MMP8: variants seen among roughly 807,000 people sequenced by gnomAD.
MMP8 encodes matrix metallopeptidase 8, also known as neutrophil collagenase.
A neutral mutation model predicts 51.2 loss-of-function variants in MMP8; 67 were observed. The observed-to-expected ratio is 1.31, with a 90% confidence interval of 1.08 to 1.60. The LOEUF (loss-of-function observed/expected upper bound fraction) is 1.60, where lower values mean the gene tolerates loss of function less well. MMP8 is among the 40% of genes most tolerant of loss of function. The pLI is 0.00. For missense variants in MMP8, 654 were observed against 558.1 expected (o/e 1.17, Z -1.73); for synonymous variants, 225 against 191.0 (o/e 1.18, Z -1.47).
intron 5 of MMP8, among the ~76,000 whole-genome samples, chr11:102,717,482 A>G (rs1235806507): frequency 2.0e-5 from 3 of 152,174 alleles, no homozygotes; most frequent in African/African-American, 4.8e-5. Context: ...TAATTAATAC[A>G]TTGTGCAATA....
chr11:102,715,184 A>G (rs1275416384), intron 7 of MMP8, 120 bp downstream of exon 7: 12 of 1,282,332 alleles, frequency 9.4e-6, no homozygotes, highest in Non-Finnish European at 1.3e-5. Context: ...GTCTTCTGGC[A>G]AAAGCCTGGC....
In MMP8 at chr11:102,724,850, G is replaced by C. The variant is rs1248031101; in HGVS notation, c.6C>G (p.Phe2Leu). 2 of 1,608,314 alleles carry C rather than the reference G, an allele frequency of 1.2e-6. No individual in the cohort carries two copies. The highest frequency in any genetic ancestry group is 1.7e-6 in the Non-Finnish European group (2 of 1,176,746). The change falls in exon 1 of 10, where the codon TTC becomes TTG. Residue 2 changes from phenylalanine (F) to leucine (L), a missense_variant. By Grantham distance (22) the Phe-to-Leu change is conservative. Coordinates refer to ENST00000236826, the MANE Select transcript of MMP8 (RefSeq NM_002424.3). ...GCAGAAATGGAAGCGTCTTCAGGGA[G>C]AACATGATCTTCTCTTCAAACTCTA... M[F>L]SLKTLPFLLL... is the part of the protein sequence containing the mutation.
At chr11:102,715,585 C>A in intron 6 of MMP8, 148 bp from the exon 7 acceptor site, 1 of 1,065,518 alleles carries the variant, frequency 9.4e-7, no homozygotes, top group South Asian at 1.7e-5. Context: ...AGCACAGTGA[C>A]CAGCATATGG....
rs1457912556 is a variant in MMP8 at position 102,712,079 on chromosome 11, T to A, written c.*1269A>T. The A allele has an allele frequency of 6.6e-6, 1 of 152,144 alleles. No homozygotes were observed. The highest frequency in any genetic ancestry group is 1.5e-5 in the Non-Finnish European group (1 of 68,014). The allele number at this position is 152,144 out of a possible 1,614,324, so 9.4% of individuals were successfully genotyped here. On this transcript the variant is annotated 3_prime_UTR_variant, in exon 10 of 10. Transcript: ENST00000236826. ...CTATAGTTCTTAACAAAAAAACCCA[T>A]CCGTTAGCAAACTTACACATCTAAG... is the stretch of plus-strand genomic sequence containing the variant.
intron 4 of MMP8, 112 bp from the exon 5 acceptor site, chr11:102,718,687 C>G (rs1475104557): frequency 2.6e-6 from 3 of 1,139,496 alleles, no homozygotes. Context: ...AATAGCCCTT[C>G]CCATGGCTGT....
chr11:102,716,542 C>A (rs1213778858), intron 5 of MMP8, 123 bp from the exon 6 acceptor site: 1 of 509,608 alleles, frequency 2.0e-6, no homozygotes, highest in East Asian at 3.1e-5. Context: ...TAAGTGCTAC[C>A]AGACTATACC....
At chr11:102,723,839 T>G in intron 1 of MMP8, 2 of 247,390 alleles carry the variant, frequency 8.1e-6, no homozygotes, top group South Asian at 8.4e-5. Flanking sequence ...ACTGACCAGA[T>G]CACACGCTTT....
chr11:102,713,676 G>T, intron 9 of MMP8, 78 bp downstream of exon 9: 8 of 1,264,450 alleles, frequency 6.3e-6, no homozygotes, highest in Non-Finnish European at 7.8e-6. Context: ...CACTAACCTG[G>T]TCAGCATAGT....
intron 4 of MMP8, among the ~76,000 whole-genome samples, chr11:102,719,362 C>A (rs964261904): frequency 6.7e-6 from 1 of 149,526 alleles, no homozygotes; most frequent in African/African-American, 2.6e-5. Flanking sequence ...GCCTCACAAA[C>A]ACACTGATGC....
chr11:102,723,654 T>C (rs1861539614), intron 1 of MMP8: 1 of 304,214 alleles, frequency 3.3e-6, no homozygotes, highest in South Asian at 2.7e-5. Flanking sequence ...TAATTACTAA[T>C]CCAGTTCTGC....
chr11:102,715,396 A>T lies in MMP8; in HGVS notation c.944T>A (p.Met315Lys). ...TGGCCAGAATAGAGAAATAAAATTCATTTCGACTCTTTGTAGCTGAGGATG... is the reference window on the plus strand; with the variant it reads ...TGGCCAGAATAGAGAAATAAAATTCTTTTCGACTCTTTGTAGCTGAGGATG... ...RRHPQLQRVE[M>K]NFISLFWPSL... is the part of the protein sequence containing the mutation. The change falls in exon 7 of 10, where the codon ATG becomes AAG. Residue 315 changes from methionine to lysine, a missense_variant. By Grantham distance (95) the Met-to-Lys change is moderately conservative. Coordinates refer to ENST00000236826, the MANE Select transcript of MMP8 (RefSeq NM_002424.3). The T allele has an allele frequency of 3.1e-6, 5 of 1,613,748 alleles. No homozygotes were observed. The highest frequency in any genetic ancestry group is 4.2e-6 in the Non-Finnish European group (5 of 1,179,790).
At chr11:102,715,484 CTAAG>C in intron 6 of MMP8, 47 bp from the exon 7 acceptor site, 13 of 1,570,240 alleles carry the variant, frequency 8.3e-6, no homozygotes, top group Non-Finnish European at 1.1e-5. Context: ...ACATAACAGT[CTAAG>C]TAGGCAGTTC....
At chr11:102,715,004 A>T (rs1179811915) in intron 7 of MMP8, among the ~76,000 whole-genome samples, 1 of 152,028 alleles carries the variant, frequency 6.6e-6, no homozygotes, top group Non-Finnish European at 1.5e-5. Flanking sequence ...TGCAGAAACC[A>T]AATTACAGCT....
In MMP8 at chr11:102,724,886, C is replaced by A. The variant is rs1158888141; in HGVS notation, c.-31G>T. The A allele has an allele frequency of 7.5e-6, 12 of 1,594,634 alleles. No homozygotes were observed. Among genetic ancestry groups the A allele is most frequent in the Non-Finnish European group, 1.0e-5 (12 of 1,168,762 alleles). On this transcript the variant is annotated 5_prime_UTR_variant, in exon 1 of 10. Coordinates refer to ENST00000236826, the MANE Select transcript of MMP8 (RefSeq NM_002424.3). ...TCTCTTCAAACTCTACCCCTCCTGG[C>A]TTTCTTTCTGTCCCTCTGGGTAGGG...
intron 6 of MMP8, 105 bp downstream of exon 6, chr11:102,716,197 G>A: frequency 2.4e-6 from 2 of 817,210 alleles, no homozygotes; most frequent in Non-Finnish European, 2.0e-6. Context: ...AGAAGCACAA[G>A]TATAGAATTC....
At chr11:102,717,068 A>G (rs770141974) in intron 5 of MMP8, among the ~76,000 whole-genome samples, 8 of 152,162 alleles carry the variant, frequency 5.3e-5, no homozygotes, top group Non-Finnish European at 1.0e-4. Context: ...GCACCCTGGC[A>G]TGCTTGCTTG....
chr11:102,715,986 G>A (rs776160308), intron 6 of MMP8, among the ~76,000 whole-genome samples: 13 of 152,112 alleles, frequency 8.5e-5, no homozygotes, highest in Non-Finnish European at 1.6e-4. Context: ...ATCACCAAAG[G>A]CATCTGAATG....
Position 102,721,493 on chromosome 11 carries a change from T to A in MMP8, c.530A>T (p.Asn177Ile). 1 of 1,613,896 alleles carries A rather than the reference T, an allele frequency of 6.2e-7. No homozygotes were observed. Among genetic ancestry groups the A allele is most frequent in the Non-Finnish European group, 8.5e-7 (1 of 1,179,848 alleles). Residue 177 changes from asparagine to isoleucine, a missense_variant, in exon 4 of 10, where the codon AAT becomes ATT. Asn to Ile is a moderately radical substitution (Grantham distance 149). Transcript: ENST00000236826. ...CTGAAAGGCATGAGCAAGGATTCCA[T>A]TGGGTCCATCAAATGGAGAATTGTC... Reference protein sequence around the residue: ...HGDNSPFDGPNGILAHAFQPG... With the variant: ...HGDNSPFDGPIGILAHAFQPG...
Position 102,713,278 on chromosome 11 carries a change from T to G in MMP8, c.*70A>C, listed in dbSNP as rs540750184. ...TGAGAAAAGTATAAGCAGGACACAA[T>G]GTAACGAAAATGCTTGCTGAACTTC... On this transcript the variant is annotated 3_prime_UTR_variant, in exon 10 of 10. Coordinates refer to ENST00000236826, the MANE Select transcript of MMP8 (RefSeq NM_002424.3). 1,281 of 1,026,532 alleles carry G rather than the reference T, an allele frequency of 1.2e-3. 2 individuals are homozygous for G. Among genetic ancestry groups the G allele is most frequent in the Non-Finnish European group, 1.9e-3 (1,206 of 648,144 alleles). The allele number at this position is 1,026,532 out of a possible 1,614,324, so 63.6% of individuals were successfully genotyped here. A position where few individuals can be genotyped will look rare whatever the true frequency, so the allele number is the denominator to read the frequency against.
Sources: allele counts gnomAD v4.1 joint callset (sites outside exome capture counted in the v4.1 genomes callset), GRCh38; gene constraint gnomAD v4.1.1; transcripts MANE v1.5; gene names NCBI Gene and HGNC (gene_info 2026-07-23, HGNC 2026-07-21).